The following CEP290 variants were observed in gnomAD, a reference collection of about 807,000 sequenced individuals.
The protein encoded by CEP290 is centrosomal protein 290, also known as centrosomal protein of 290 kDa.
A neutral mutation model predicts 344.9 loss-of-function variants in CEP290; 317 were observed. That is an observed-to-expected ratio of 0.92 (90% CI 0.84 to 1.01). The LOEUF (loss-of-function observed/expected upper bound fraction) is 1.01. Among genes scored for constraint, CEP290 ranks in the 50% least tolerant of loss-of-function variants. The probability of loss-of-function intolerance (pLI) is 0.00; values close to 1 mark genes in which losing one functional copy is unlikely to be tolerated. For synonymous variants in CEP290, 932 were observed against 895.8 expected (o/e 1.04, Z -0.72); for missense variants, 2,754 against 2,761.4 (o/e 1.00, Z 0.06).
At position 88,093,407 on chromosome 12, in the gene CEP290, T is replaced by C. The variant is rs927327996; in HGVS notation, c.3309+363A>G. 6.8e-4 allele frequency among the ~76,000 whole-genome samples: 104 copies of C among 152,184 alleles called. 1 individual carries two copies. Among genetic ancestry groups the C allele is most frequent in the African/African-American group, 2.5e-3 (103 of 41,580 alleles). ...AATGTAAAGTCCCTGAAAGTAGAGA[T>C]TATTGTCTATTTTGTTTCTTGCTAT... On this transcript the variant is annotated intron_variant, in intron 28 of 53. Transcript: ENST00000552810.
At position 88,049,303 on chromosome 12, in the gene CEP290, A is replaced by C; in HGVS notation, c.7321T>G (p.Leu2441Val). 1 of 1,601,062 alleles carries C rather than the reference A, an allele frequency of 6.2e-7. No individual in the cohort carries two copies. The highest frequency in any genetic ancestry group is 8.5e-7 in the Non-Finnish European group (1 of 1,170,262). The change falls in exon 54 of 54, where the codon TTA (leucine) becomes GTA (valine). Residue 2441 changes from leucine to valine, a missense_variant. Transcript: ENST00000552810. ...YKEEVKKNIL[L>V]EEKVKKLSEQ... ...GAAAGTTTTTTTACCTTCTCTTCTA[A>C]GAGAATATTCTTCTTCACTTCTTCC... is the stretch of plus-strand genomic sequence containing the variant.
chr12:88,106,907 T>C lies in CEP290; in HGVS notation c.2587-2A>G, dbSNP rs1439455540. The stretch of plus-strand genomic sequence containing the variant: ...CATCTGAAGAGCATTGAGCAAATTC[T>C]GCACAAAGACACATCCATATTACTT... On this transcript the variant is annotated splice_acceptor_variant, in intron 24 of 53. Transcript: ENST00000552810. LOFTEE classifies it high-confidence loss of function. 2 of 1,599,420 alleles carry C rather than the reference T, an allele frequency of 1.3e-6. No homozygotes were observed. Among genetic ancestry groups the C allele is most frequent in the South Asian group, 1.1e-5 (1 of 88,902 alleles).
intron 12 of CEP290, 137 bp downstream of exon 12, chr12:88,126,179 T>C: frequency 1.6e-6 from 1 of 615,944 alleles, no homozygotes; most frequent in Non-Finnish European, 2.4e-6. Context: ...GTAGAAGAAA[T>C]TTCAAAAGAC....
intron 50 of CEP290, among the ~76,000 whole-genome samples, chr12:88,055,286 G>A (rs2033903914): frequency 6.6e-6 from 1 of 152,120 alleles, no homozygotes; most frequent in Non-Finnish European, 1.5e-5. Context: ...TAAAACAATA[G>A]CTTGGACAAG....
rs1489447514 is a variant in CEP290, at chr12:88,106,736, T to C, written c.2756A>G (p.Asn919Ser). ...TTCAGCCTCCATTGACAACAATTCA[T>C]TCTTTTGCTTCTCATTTTCTTTTCT... is the stretch of plus-strand genomic sequence containing the variant. ...QLRKENEKQKNELLSMEAEVC... is the reference protein window; with the variant it reads ...QLRKENEKQKSELLSMEAEVC... Residue 919 changes from asparagine (N) to serine (S), a missense_variant, in exon 25 of 54, where the codon AAT (asparagine) becomes AGT (serine). Physicochemically the swap from Asn to Ser is conservative, Grantham distance 46. Coordinates refer to ENST00000552810, the MANE Select transcript of CEP290 (RefSeq NM_025114.4). 1.9e-6 allele frequency: 3 copies of C among 1,611,740 alleles called. No individual in the cohort carries two copies. The highest frequency in any genetic ancestry group is 3.3e-5 in the Admixed American group (2 of 59,764).
At chr12:88,098,648 C>T (rs1365052659) in intron 26 of CEP290, among the ~76,000 whole-genome samples, 1 of 151,412 alleles carries the variant, frequency 6.6e-6, no homozygotes, top group Non-Finnish European at 1.5e-5. Context: ...AAAATAAAAA[C>T]AGAGTACTGA....
rs1391242252 is a variant in CEP290 at position 88,078,003 on chromosome 12, T to C, written c.5365-85A>G. On this transcript the variant is annotated intron_variant, in intron 39 of 53. Transcript: ENST00000552810. ...GGAACATAAAACAGAAAATATACCA[T>C]TATAAGAAAAATTCAGTCTGAATTT... 8.7e-6 allele frequency: 5 copies of C among 574,920 alleles called. No homozygotes were observed. In the African/African-American group the frequency reaches 1.0e-4, roughly 11 times the overall value. The allele number at this position is 574,920 out of a possible 1,614,324, so 35.6% of individuals were successfully genotyped here.
At chr12:88,115,598 AGTCAAT>A in intron 18 of CEP290, 1 of 1,226,750 alleles carries the variant, frequency 8.2e-7, no homozygotes, top group Non-Finnish European at 1.1e-6. Flanking sequence ...AAATTAGACA[AGTCAAT>A]GAGTTCATAT....
chr12:88,124,866 T>C (rs184478103), intron 13 of CEP290, among the ~76,000 whole-genome samples: 9 of 152,176 alleles, frequency 5.9e-5, no homozygotes, highest in Admixed American at 5.2e-4. Context: ...TTGGGTAAGA[T>C]TAATGTGAAA....
rs1370195420 is a variant in CEP290 at position 88,060,004 on chromosome 12, A to G, written c.6539T>C (p.Leu2180Pro). The G allele has an allele frequency of 1.9e-6, 3 of 1,558,850 alleles. No homozygotes were observed. In the African/African-American group the frequency reaches 4.1e-5, roughly 21 times the overall value. ...CAACTGATGCCCAAGATGAGCTTTA[A>G]GTTTTTCTAATTCAGCCTAGTAAAA... ...NEKLKAELEK[L>P]KAHLGHQLSM... is the part of the protein sequence containing the mutation. The change falls in exon 48 of 54, where the codon CTT (leucine) becomes CCT (proline). Residue 2180 changes from leucine to proline, a missense_variant. Leu to Pro is a moderately conservative substitution (Grantham distance 98). Coordinates refer to ENST00000552810, the MANE Select transcript of CEP290 (RefSeq NM_025114.4).
chr12:88,064,223 G>A (rs538591101), intron 44 of CEP290, 108 bp from the exon 45 acceptor site: 1 of 915,062 alleles, frequency 1.1e-6, no homozygotes, highest in Non-Finnish European at 1.6e-6. Context: ...TTTCCTCAAA[G>A]GAATATGAGA....
chr12:88,129,897 A>G, intron 9 of CEP290, 21 bp from the exon 10 acceptor site: 3 of 1,338,678 alleles, frequency 2.2e-6, no homozygotes, highest in Non-Finnish European at 3.0e-6. Flanking sequence ...TAAAGACACT[A>G]TAATTAAAAA....
chr12:88,075,575 T>C (rs1384795198), intron 41 of CEP290, among the ~76,000 whole-genome samples: 5 of 151,810 alleles, frequency 3.3e-5, no homozygotes, highest in Non-Finnish European at 7.4e-5. Flanking sequence ...AAAAGACAAG[T>C]ACATGTCTAG....
At chr12:88,129,935 C>A in intron 9 of CEP290, 59 bp from the exon 10 acceptor site, 1 of 1,124,636 alleles carries the variant, frequency 8.9e-7, no homozygotes, top group Non-Finnish European at 1.2e-6. Context: ...GAAATTTAAA[C>A]CAAATTAAAA....
intron 10 of CEP290, 37 bp from the exon 11 acceptor site, chr12:88,129,072 T>C: frequency 1.6e-6 from 2 of 1,228,520 alleles, no homozygotes; most frequent in Non-Finnish European, 2.2e-6. Context: ...TGTTGCAAAC[T>C]GATGTAACAT....
Position 88,129,886 on chromosome 12 carries a change from T to C in CEP290, c.670-10A>G. ...TAGCTTCTGTTAAAGTCTAAAAAAG[T>C]TAAAGACACTATAATTAAAAAGTAA... On this transcript the variant is annotated splice_polypyrimidine_tract_variant and intron_variant, in intron 9 of 53. Coordinates refer to ENST00000552810, the MANE Select transcript of CEP290 (RefSeq NM_025114.4). The C allele has an allele frequency of 1.3e-5, 18 of 1,381,036 alleles. No homozygotes were observed. The highest frequency in any genetic ancestry group is 1.6e-5 in the Non-Finnish European group (17 of 1,042,558). 85.5% of individuals were successfully genotyped at this position (1,381,036 alleles called of 1,614,324 possible). A position where few individuals can be genotyped will look rare whatever the true frequency, so the allele number is the denominator to read the frequency against.
chr12:88,133,601 G>A (rs1247984833), intron 6 of CEP290, among the ~76,000 whole-genome samples: 3 of 152,064 alleles, frequency 2.0e-5, no homozygotes, highest in African/African-American at 7.2e-5. Flanking sequence ...GGGTCAAGTG[G>A]TATTTCTGCT....
In CEP290 at chr12:88,111,793, A is replaced by C. The variant is rs1355084851; in HGVS notation, c.2118T>G (p.Asp706Glu). 6.2e-7 allele frequency: 1 copy of C among 1,607,188 alleles called. No individual in the cohort carries two copies. Among genetic ancestry groups the C allele is most frequent in the Non-Finnish European group, 8.5e-7 (1 of 1,177,188 alleles). The stretch of plus-strand genomic sequence containing the variant: ...ATTCTTCATTTCTTCCGGTAAGCTG[A>C]TCAACTTGGGCTTTCAAATGCAGAC... ...DASLHLKAQV[D>E]QLTGRNEELR... Residue 706 changes from aspartate to glutamate, a missense_variant, in exon 21 of 54, where the codon GAT becomes GAG. Asp to Glu is a conservative substitution (Grantham distance 45). Coordinates refer to ENST00000552810, the MANE Select transcript of CEP290 (RefSeq NM_025114.4).
intron 18 of CEP290, among the ~76,000 whole-genome samples, chr12:88,116,396 T>C (rs2039038209): frequency 6.6e-6 from 1 of 152,214 alleles, no homozygotes; most frequent in Admixed American, 6.5e-5. Context: ...TTCCACTTTC[T>C]ACACTATGGT....
Sources: gnomAD v4.1 joint callset for allele counts (sites outside exome capture counted in the v4.1 genomes callset) on GRCh38, gnomAD v4.1.1 for gene constraint, MANE v1.5 for transcripts, NCBI Gene and HGNC (gene_info 2026-07-23, HGNC 2026-07-21) for gene names.